Variants in POLG observed in about 807,000 individuals in gnomAD.
POLG encodes the protein DNA polymerase subunit gamma-1.
Under a neutral mutation model 155.4 loss-of-function variants are expected in POLG, and 110 were observed. The ratio of observed to expected loss-of-function variants is 0.71; its 90% CI spans 0.61 to 0.83. The LOEUF is 0.83. Ranked by LOEUF, POLG falls within the 40% of genes least tolerant of loss-of-function variation. The pLI is 0.00. For missense variants in POLG, 1,685 were observed against 1,627.5 expected (o/e 1.04, Z -0.61); for synonymous variants, 701 against 631.5 (o/e 1.11, Z -1.65).
Position 89,327,081 on chromosome 15 carries a change from T to A in POLG, c.1434-18A>T. On this transcript the variant is annotated intron_variant, in intron 7 of 22. Coordinates refer to ENST00000268124, the MANE Select transcript of POLG (RefSeq NM_002693.3). ...CTTTGTACCTACAGAGCCAGTCCAC[T>A]AGGGCAGGGCTAAGGCTAAGCCGAA... 2.5e-6 allele frequency: 4 copies of A among 1,614,164 alleles called. No individual in the cohort carries two copies. Among genetic ancestry groups the A allele is most frequent in the Non-Finnish European group, 3.4e-6 (4 of 1,180,000 alleles).
In POLG at chr15:89,325,637, C is replaced by T. The variant is rs1390801047; in HGVS notation, c.1762G>A (p.Gly588Ser). The T allele has an allele frequency of 6.2e-7, 1 of 1,612,786 alleles. No homozygotes were observed. Among genetic ancestry groups the T allele is most frequent in the Non-Finnish European group, 8.5e-7 (1 of 1,180,014 alleles). The change falls in exon 10 of 23, where the codon GGC (glycine) becomes AGC (serine). Residue 588 changes from glycine to serine, a missense_variant. Transcript: ENST00000268124. Reference sequence around the variant, plus strand: ...ATCTGCAGGCTGAGGAGGCTGGGGCCCGGGGTCCATGCAGGGTCGTCTAGC... The same window carrying T: ...ATCTGCAGGCTGAGGAGGCTGGGGCTCGGGGTCCATGCAGGGTCGTCTAGC... ...PRLDDPAWTP[G>S]PSLLSLQMRV...
intron 13 of POLG, among the ~76,000 whole-genome samples, 172 bp from the exon 14 acceptor site, chr15:89,323,074 C>T (rs575599200): frequency 9.8e-5 from 15 of 152,348 alleles, no homozygotes; most frequent in African/African-American, 2.9e-4. Context: ...CACACACGTG[C>T]ACACACATGC....
intron 18 of POLG, among the ~76,000 whole-genome samples, chr15:89,319,849 C>T (rs1202420614): frequency 6.6e-6 from 1 of 152,136 alleles, no homozygotes. Flanking sequence ...TAGACAACTC[C>T]CAGCTTCCAT....
chr15:89,334,003 C>T, intron 1 of POLG, 90 bp from the exon 2 acceptor site: 3 of 571,936 alleles, frequency 5.2e-6, no homozygotes, highest in Non-Finnish European at 6.2e-6. Flanking sequence ...TTACTGCGTC[C>T]CCAACACTGT....
At chr15:89,323,763 G>A in intron 12 of POLG, 52 bp downstream of exon 12, 1 of 1,403,024 alleles carries the variant, frequency 7.1e-7, no homozygotes, top group Non-Finnish European at 1.0e-6. Flanking sequence ...GCAAGAGGAA[G>A]CCCTTTCCAC....
rs1243982675 is a variant in POLG at position 89,321,724 on chromosome 15, G to A, written c.2598+12C>T. 5 of 1,585,822 alleles carry A rather than the reference G, an allele frequency of 3.2e-6. No individual in the cohort carries two copies. In the African/African-American group the frequency reaches 5.4e-5, roughly 17 times the overall value. Reference sequence around the variant, plus strand: ...AGGAAGAGCAGGGGCCAGAGGTACAGAGGTCACATACCCGGGCATTGCTGG... The same window carrying A: ...AGGAAGAGCAGGGGCCAGAGGTACAAAGGTCACATACCCGGGCATTGCTGG... On this transcript the variant is annotated intron_variant, in intron 16 of 22. Transcript: ENST00000268124.
In POLG at chr15:89,327,244, A is replaced by C; in HGVS notation, c.1356T>G (p.Tyr452Ter). ...ERYLAEAQGT[Y>*]EELQREMKKS... is the part of the protein sequence containing the mutation. ...TCTTCATCTCCCGCTGGAGCTCCTC[A>C]TAAGTGCCCTGTGCCTCTGCCAGGT... Residue 452 changes from tyrosine to a stop codon, truncating the protein, a stop_gained, in exon 7 of 23, where the codon TAT becomes TAG. Coordinates refer to ENST00000268124, the MANE Select transcript of POLG (RefSeq NM_002693.3). LOFTEE classifies it high-confidence loss of function. 1.2e-6 allele frequency: 2 copies of C among 1,614,190 alleles called. No homozygotes were observed. The highest frequency in any genetic ancestry group is 8.5e-7 in the Non-Finnish European group (1 of 1,180,030).
chr15:89,323,757 G>A (rs1035920071), intron 12 of POLG, 58 bp downstream of exon 12: 16 of 1,359,944 alleles, frequency 1.2e-5, no homozygotes, highest in Non-Finnish European at 1.5e-5. Flanking sequence ...AGGTGGGCAA[G>A]AGGAAGCCCT....
In POLG at chr15:89,330,083, G is replaced by C. The variant is rs761885667; in HGVS notation, c.853C>G (p.Gln285Glu). 6.8e-6 allele frequency: 11 copies of C among 1,612,494 alleles called. No homozygotes were observed. The South Asian group carries it at 1.2e-4, about 18-fold the overall frequency. ...RAHIREQYLIQGSRMRFLDTM... is the reference protein window; with the variant it reads ...RAHIREQYLIEGSRMRFLDTM... ...GCAGTTGGCCCCAGGAACCTTACCT[G>C]GATCAGGTACTGCTCCCTGATATGA... is the stretch of plus-strand genomic sequence containing the variant. The change falls in exon 3 of 23, where the codon CAG (glutamine) becomes GAG (glutamate). Residue 285 changes from glutamine (Q) to glutamate (E), a missense_variant and splice_region_variant. Physicochemically the swap from Gln to Glu is conservative, Grantham distance 29. Around this residue, in one of 3 missense-constraint regions of POLG, gnomAD observed 1,210 missense variants for 1,167.1 expected, o/e 1.04. Coordinates refer to ENST00000268124, the MANE Select transcript of POLG (RefSeq NM_002693.3).
intron 14 of POLG, among the ~76,000 whole-genome samples, 168 bp downstream of exon 14, chr15:89,322,574 G>A (rs1172881811): frequency 6.6e-6 from 1 of 152,128 alleles, no homozygotes; most frequent in Non-Finnish European, 1.5e-5. Flanking sequence ...CAGGGAAACT[G>A]AAGCTAGAGG....
chr15:89,323,062 C>A (rs2055420723), intron 13 of POLG, among the ~76,000 whole-genome samples, 160 bp from the exon 14 acceptor site: 1 of 151,722 alleles, frequency 6.6e-6, no homozygotes, highest in South Asian at 2.1e-4. Flanking sequence ...CGCGCACGCA[C>A]ACACACACGT....
chr15:89,319,443 T>C (rs2055361918), intron 18 of POLG, 93 bp from the exon 19 acceptor site: 1 of 1,531,644 alleles, frequency 6.5e-7, no homozygotes, highest in African/African-American at 1.4e-5. Flanking sequence ...ACTTCAACTT[T>C]TAAAAACACT....
rs560482663 is a variant in POLG, at chr15:89,334,073, C to T, written c.-159-160G>A. The T allele has an allele frequency of 1.9e-5, 8 of 421,486 alleles. No individual in the cohort carries two copies. In the Admixed American group the frequency reaches 2.5e-4, roughly 13 times the overall value. The allele number at this position is 421,486 out of a possible 1,614,324, so 26.1% of individuals were successfully genotyped here. The stretch of plus-strand genomic sequence containing the variant: ...CAAAACTTGGGAAACGTCAATACCC[C>T]TCCTGGGGGAACCGGGGTCCACGCA... On this transcript the variant is annotated intron_variant, in intron 1 of 22. Transcript: ENST00000268124.
At chr15:89,317,064 C>CAGTT in intron 22 of POLG, 2 of 590,312 alleles carry the variant, frequency 3.4e-6, no homozygotes, top group Non-Finnish European at 6.0e-6. Context: ...ATTTAAAGCA[C>CAGTT]AGTTTGTTTT....
intron 21 of POLG, chr15:89,318,150 CACTT>C (rs752566644): frequency 7.6e-5 from 15 of 198,362 alleles, no homozygotes; most frequent in East Asian, 2.7e-4. Flanking sequence ...AAACTTTTGG[CACTT>C]ACTTAAGAAA....
chr15:89,326,395 C>T (rs2055517772), intron 9 of POLG, among the ~76,000 whole-genome samples: 1 of 152,160 alleles, frequency 6.6e-6, no homozygotes, highest in African/African-American at 2.4e-5. Flanking sequence ...CGGGCCATTG[C>T]ACAGCAGGTG....
intron 21 of POLG, 101 bp downstream of exon 21, chr15:89,318,440 G>A (rs1596349663): frequency 2.5e-5 from 22 of 884,368 alleles, no homozygotes; most frequent in East Asian, 1.5e-4. Flanking sequence ...CACTTCTAGG[G>A]GGATGAAAAG....
At chr15:89,319,992 C>T (rs2055370491) in intron 18 of POLG, among the ~76,000 whole-genome samples, 1 of 152,188 alleles carries the variant, frequency 6.6e-6, no homozygotes, top group Admixed American at 6.5e-5. Context: ...ACAACTAAAG[C>T]CCCACCACCT....
In POLG at chr15:89,333,279, T is replaced by C; in HGVS notation, c.476A>G (p.Gln159Arg). The stretch of plus-strand genomic sequence containing the variant: ...CGGGGGCTTCGGGGGCAGCTGGGCC[T>C]GCAACAGCAAGTTGGCCGCCTCCAG... ...PYLEAANLLL[Q>R]AQLPPKPPAW... Residue 159 changes from glutamine (Q) to arginine (R), a missense_variant, in exon 2 of 23, where the codon CAG becomes CGG. Gln to Arg is a conservative substitution (Grantham distance 43, BLOSUM62 1). This residue lies in a region of POLG where 1,210 missense variants were observed against 1,167.1 expected (regional missense o/e 1.04). Transcript: ENST00000268124. 1.9e-6 allele frequency: 3 copies of C among 1,559,240 alleles called. No homozygotes were observed. The highest frequency in any genetic ancestry group is 2.6e-6 in the Non-Finnish European group (3 of 1,151,184).
Sources: gnomAD v4.1 joint callset for allele counts (sites outside exome capture counted in the v4.1 genomes callset) on GRCh38, gnomAD v4.1.1 for gene constraint, gnomAD v4.1.1 regional missense constraint, MANE v1.5 for transcripts, NCBI Gene and HGNC (gene_info 2026-07-23, HGNC 2026-07-21) for gene names.